The following FSTL4 variants were observed in gnomAD, a reference collection of about 807,000 sequenced individuals.
The protein encoded by FSTL4 is follistatin-related protein 4.
Under a neutral mutation model 78.2 loss-of-function variants are expected in FSTL4, and 28 were observed. The ratio of observed to expected loss-of-function variants is 0.36; its 90% CI spans 0.27 to 0.49. The LOEUF is 0.49. Ranked by LOEUF, FSTL4 falls within the 20% of genes least tolerant of loss-of-function variation. The probability of loss-of-function intolerance (pLI) is 0.98; values close to 1 mark genes in which losing one functional copy is unlikely to be tolerated. For missense variants in FSTL4, 922 were observed against 1,084.9 expected (o/e 0.85, Z 2.11); for synonymous variants, 422 against 440.5 (o/e 0.96, Z 0.53).
In FSTL4 at chr5:133,316,589, C is replaced by A. The variant is rs17683306; in HGVS notation, c.473G>T (p.Arg158Leu). Residue 158 changes from arginine to leucine, a missense_variant, in exon 5 of 16, where the codon CGT (arginine) becomes CTT (leucine). Transcript: ENST00000265342. ...LKNVLLALQT[R>L]LQPLQEGDSR... ...GTCTCCTTCTTGGAGTGGCTGCAGA[C>A]GGGTCTGGAGTGCCAGAAGGACATT... The A allele has an allele frequency of 1.9e-5, 30 of 1,613,932 alleles. No homozygotes were observed. The South Asian group carries it at 3.0e-4, about 16-fold the overall frequency.
chr5:133,610,477 C>T (rs2112986499), intron 1 of FSTL4, among the ~76,000 whole-genome samples: 1 of 152,324 alleles, frequency 6.6e-6, no homozygotes, highest in South Asian at 2.1e-4. Context: ...AAAAAGCGAA[C>T]ATTTAGCAGA....
intron 4 of FSTL4, among the ~76,000 whole-genome samples, chr5:133,395,123 G>A (rs1459791904): frequency 6.6e-6 from 1 of 152,150 alleles, no homozygotes; most frequent in Non-Finnish European, 1.5e-5. Flanking sequence ...GGACGTGGGT[G>A]GGGCCAGATA....
the FSTL4 span, among the ~76,000 whole-genome samples, chr5:133,680,159 G>A: frequency 1.3e-5 from 2 of 152,136 alleles, no homozygotes; most frequent in Non-Finnish European, 1.5e-5. Flanking sequence ...GCATGGCATG[G>A]TCTTCCATGC....
intron 3 of FSTL4, among the ~76,000 whole-genome samples, chr5:133,537,518 A>G (rs1246964757): frequency 6.6e-6 from 1 of 152,152 alleles, no homozygotes; most frequent in African/African-American, 2.4e-5. Context: ...TTTTCTACAC[A>G]ACCATATCAT....
chr5:133,358,138 C>T (rs528505359), intron 4 of FSTL4, among the ~76,000 whole-genome samples: 16 of 152,348 alleles, frequency 1.1e-4, no homozygotes, highest in Middle Eastern at 6.8e-3. Context: ...TTTCCTCTGA[C>T]TGACCCCCAT....
intron 2 of FSTL4, among the ~76,000 whole-genome samples, chr5:133,596,779 C>T (rs1026499116): frequency 6.6e-6 from 1 of 152,234 alleles, no homozygotes; most frequent in Admixed American, 6.5e-5. Context: ...AACTGAAACT[C>T]ACCCTGTGAT....
chr5:133,635,494 T>A, the FSTL4 span, among the ~76,000 whole-genome samples: 1 of 152,238 alleles, frequency 6.6e-6, no homozygotes, highest in South Asian at 2.1e-4. Flanking sequence ...CTGGGCACAG[T>A]GGCTCATGCC....
the FSTL4 span, among the ~76,000 whole-genome samples, chr5:133,724,851 T>G: frequency 2.0e-5 from 3 of 152,222 alleles, no homozygotes; most frequent in Non-Finnish European, 4.4e-5. Flanking sequence ...GTTTTAGCAC[T>G]TACGTTTAGG....
At chr5:133,415,335 A>G (rs1756556512) in intron 3 of FSTL4, among the ~76,000 whole-genome samples, 1 of 152,238 alleles carries the variant, frequency 6.6e-6, no homozygotes, top group South Asian at 2.1e-4. Context: ...TTCCACCTAA[A>G]GCTTGGACAA....
the FSTL4 span, among the ~76,000 whole-genome samples, chr5:133,752,685 C>G: frequency 6.6e-6 from 1 of 152,030 alleles, no homozygotes; most frequent in South Asian, 2.1e-4. Context: ...TGGAAAATAA[C>G]TGAGATGTGG....
At chr5:133,586,447 G>A (rs1316723267) in intron 2 of FSTL4, among the ~76,000 whole-genome samples, 1 of 5,028 alleles carries the variant, frequency 2.0e-4, no homozygotes, top group African/African-American at 6.4e-4. Flanking sequence ...ATGATAAAGG[G>A]GATATCACCA....
the FSTL4 span, among the ~76,000 whole-genome samples, chr5:133,635,335 A>G: frequency 1.2e-4 from 19 of 152,264 alleles, no homozygotes; most frequent in African/African-American, 4.6e-4. Flanking sequence ...CTGCACTTAC[A>G]TGCTTAATAA....
intron 3 of FSTL4, among the ~76,000 whole-genome samples, chr5:133,402,518 T>C (rs1264967636): frequency 1.3e-5 from 2 of 152,068 alleles, no homozygotes; most frequent in East Asian, 3.8e-4. Context: ...CAAGACAGAA[T>C]GGCCCTAGTA....
the FSTL4 span, among the ~76,000 whole-genome samples, chr5:133,796,720 G>A: frequency 0.56 from 85,425 of 151,716 alleles, 25,189 homozygotes; most frequent in East Asian, 0.78. Flanking sequence ...GGAGCCTGTG[G>A]TTCAGGGCTT....
At chr5:133,258,361 A>G (rs1210378407) in intron 6 of FSTL4, among the ~76,000 whole-genome samples, 1 of 152,172 alleles carries the variant, frequency 6.6e-6, no homozygotes, top group Non-Finnish European at 1.5e-5. Flanking sequence ...CTGAGTAGAG[A>G]AGATTGCCCT....
chr5:133,633,792 G>A, the FSTL4 span, among the ~76,000 whole-genome samples: 1 of 151,874 alleles, frequency 6.6e-6, no homozygotes, highest in Middle Eastern at 3.2e-3. Context: ...AGGGACAAAG[G>A]TGTCATCTGT....
chr5:133,422,582 G>T (rs1303540019), intron 3 of FSTL4, among the ~76,000 whole-genome samples: 2 of 152,062 alleles, frequency 1.3e-5, no homozygotes, highest in African/African-American at 4.8e-5. Context: ...CAAAGAATTT[G>T]TTCTAACTAC....
the FSTL4 span, among the ~76,000 whole-genome samples, chr5:133,758,931 C>T: frequency 1.1e-4 from 16 of 152,304 alleles, no homozygotes; most frequent in East Asian, 2.7e-3. Flanking sequence ...CAACATGGTG[C>T]ATACTGTCCC....
At chr5:133,395,726 C>T (rs1244122058) in intron 4 of FSTL4, among the ~76,000 whole-genome samples, 7 of 140,060 alleles carry the variant, frequency 5.0e-5, no homozygotes, top group Admixed American at 4.7e-4. Context: ...GCCTGTACTC[C>T]TAGAAAGCCT....
Sources: gnomAD v4.1 joint callset for allele counts (sites outside exome capture counted in the v4.1 genomes callset) on GRCh38, gnomAD v4.1.1 for gene constraint, MANE v1.5 for transcripts, NCBI Gene and HGNC (gene_info 2026-07-23, HGNC 2026-07-21) for gene names.